The following MYO18B variants were observed in gnomAD, a reference collection of about 807,000 sequenced individuals.
MYO18B encodes unconventional myosin-XVIIIb.
Under a neutral mutation model 273.0 loss-of-function variants are expected in MYO18B, and 204 were observed. The ratio of observed to expected loss-of-function variants is 0.75; its 90% CI spans 0.67 to 0.84. The LOEUF (loss-of-function observed/expected upper bound fraction) is 0.84, where lower values mean the gene tolerates loss of function less well. Ranked by LOEUF, MYO18B falls within the 40% of genes least tolerant of loss-of-function variation. MYO18B has a pLI of 0.00. For missense variants in MYO18B, 3,212 were observed against 3,287.6 expected, an observed-to-expected ratio of 0.98 and a Z score of 0.56; for synonymous variants, 1,330 against 1,305.7, an observed-to-expected ratio of 1.02 and a Z score of -0.40.
chr22:25,988,567 C>T (rs146198851), intron 39 of MYO18B, among the ~76,000 whole-genome samples: 11 of 152,232 alleles, frequency 7.2e-5, no homozygotes, highest in African/African-American at 2.6e-4. Context: ...CTATGCAGCC[C>T]TTGTTTTTTT....
At chr22:25,940,801 G>A (rs528818230) in intron 34 of MYO18B, among the ~76,000 whole-genome samples, 1 of 152,302 alleles carries the variant, frequency 6.6e-6, no homozygotes, top group African/African-American at 2.4e-5. Flanking sequence ...AAGCTTAGCA[G>A]CACTTAATTT....
At chr22:25,933,447 C>T (rs1017838933) in intron 34 of MYO18B, among the ~76,000 whole-genome samples, 1 of 151,910 alleles carries the variant, frequency 6.6e-6, no homozygotes, top group African/African-American at 2.4e-5. Flanking sequence ...GAACCTGTCC[C>T]CTTCCACACA....
At chr22:26,016,900 G>C (rs895018518) in intron 42 of MYO18B, among the ~76,000 whole-genome samples, 3 of 152,204 alleles carry the variant, frequency 2.0e-5, no homozygotes, top group Non-Finnish European at 4.4e-5. Context: ...AACATTAAAG[G>C]GTGAGTGAAA....
the MYO18B span, among the ~76,000 whole-genome samples, chr22:26,050,876 G>T: frequency 1.3e-5 from 2 of 152,216 alleles, no homozygotes; most frequent in Admixed American, 6.5e-5. Flanking sequence ...GGTCCTATTT[G>T]TAGGATAAAA....
chr22:25,874,364 C>T lies in MYO18B; in HGVS notation c.4030C>T (p.Gln1344Ter), dbSNP rs1468532397. The change falls in exon 23 of 44, where the codon CAG becomes TAG. Residue 1344 changes from glutamine (Q) to a stop codon, truncating the protein, a stop_gained. Coordinates refer to ENST00000335473, the MANE Select transcript of MYO18B (RefSeq NM_032608.7). LOFTEE classifies it high-confidence loss of function. ...GGTATCTCAGAGCATCGTTCTCTTC[C>T]AGGCGGCTTGCAAGGGCTTTCTGTC... is the stretch of plus-strand genomic sequence containing the variant. Reference protein sequence around the residue: ...KLVSQSIVLFQAACKGFLSRQ... With the variant: ...KLVSQSIVLF 1.9e-6 allele frequency: 3 copies of T among 1,613,996 alleles called. No individual in the cohort carries two copies. In the Admixed American group the frequency reaches 5.0e-5, roughly 27 times the overall value.
intron 39 of MYO18B, among the ~76,000 whole-genome samples, chr22:25,965,766 T>A (rs1189591823): frequency 6.6e-6 from 1 of 152,236 alleles, no homozygotes; most frequent in East Asian, 1.9e-4. Context: ...CTTGTATCAT[T>A]TAATCTTTAA....
At chr22:25,765,475 G>A (rs1448918071) in intron 3 of MYO18B, among the ~76,000 whole-genome samples, 1 of 152,200 alleles carries the variant, frequency 6.6e-6, no homozygotes, top group African/African-American at 2.4e-5. Context: ...CCCAGTCAGT[G>A]AGGAACAGGG....
chr22:26,031,303 A>C (rs933646423), downstream of MYO18B, among the ~76,000 whole-genome samples: 1 of 152,096 alleles, frequency 6.6e-6, no homozygotes, highest in Non-Finnish European at 1.5e-5. Context: ...CATTTGGATC[A>C]CAGTTGTGTT....
intron 18 of MYO18B, among the ~76,000 whole-genome samples, chr22:25,844,208 T>A (rs1233950752): frequency 6.6e-6 from 1 of 152,172 alleles, no homozygotes; most frequent in African/African-American, 2.4e-5. Flanking sequence ...GAACAACTTT[T>A]ATGGACATTC....
intron 9 of MYO18B, 121 bp downstream of exon 9, chr22:25,780,319 G>A (rs1449001350): frequency 1.4e-5 from 18 of 1,244,436 alleles, no homozygotes; most frequent in South Asian, 3.0e-5. Context: ...TGGTCATGGC[G>A]GTGGCTCAGG....
chr22:25,890,320 G>A (rs1036485193), intron 25 of MYO18B, among the ~76,000 whole-genome samples: 21 of 152,228 alleles, frequency 1.4e-4, no homozygotes, highest in African/African-American at 4.8e-4. Context: ...GCATCCATCA[G>A]TGTGTCTTAC....
At chr22:25,984,796 T>A (rs2093183605) in intron 39 of MYO18B, among the ~76,000 whole-genome samples, 1 of 142,148 alleles carries the variant, frequency 7.0e-6, no homozygotes, top group Non-Finnish European at 1.5e-5. Context: ...GAGACCCCCA[T>A]CTCTAAGAAA....
chr22:25,770,195 A>G lies in MYO18B; in HGVS notation c.1579+19A>G. On this transcript the variant is annotated intron_variant, in intron 5 of 43. Transcript: ENST00000335473. ...ACTCTTGGTAAGTAGGGGTGTTAGC[A>G]CCTTTGGAGGGTCTGAGTCTTCTCC... The G allele has an allele frequency of 6.2e-7, 1 of 1,612,820 alleles. No individual in the cohort carries two copies. Among genetic ancestry groups the G allele is most frequent in the South Asian group, 1.1e-5 (1 of 91,050 alleles).
chr22:25,752,851 C>T (rs1234709827), intron 1 of MYO18B, among the ~76,000 whole-genome samples: 1 of 152,158 alleles, frequency 6.6e-6, no homozygotes. Flanking sequence ...AGGCGGGAAC[C>T]GGGGCCAGTG....
intron 34 of MYO18B, among the ~76,000 whole-genome samples, chr22:25,944,975 A>G (rs531716514): frequency 8.5e-5 from 13 of 152,124 alleles, no homozygotes; most frequent in Non-Finnish European, 1.8e-4. Flanking sequence ...GGCCACGTAC[A>G]TAAGTAATTG....
chr22:25,786,162 G>A (rs114386459), intron 11 of MYO18B, among the ~76,000 whole-genome samples: 1 of 152,196 alleles, frequency 6.6e-6, no homozygotes, highest in Non-Finnish European at 1.5e-5. Flanking sequence ...TGTGTTAGGT[G>A]TATGTTCCTG....
At chr22:26,010,170 G>T (rs6004887) in intron 42 of MYO18B, among the ~76,000 whole-genome samples, 6,606 of 151,964 alleles carry the variant, frequency 0.043, 162 homozygotes, top group African/African-American at 0.082. Context: ...TACTCTTTCT[G>T]CTTCTCTCCA....
chr22:25,865,675 C>G (rs1389485111), intron 21 of MYO18B, among the ~76,000 whole-genome samples: 1 of 152,172 alleles, frequency 6.6e-6, no homozygotes, highest in African/African-American at 2.4e-5. Context: ...CAAGGCCACA[C>G]AGTTTATGGA....
chr22:25,840,844 C>T (rs2090062216), intron 17 of MYO18B, among the ~76,000 whole-genome samples: 1 of 152,128 alleles, frequency 6.6e-6, no homozygotes, highest in Non-Finnish European at 1.5e-5. Context: ...TCCCAGATAT[C>T]CCTAGCAGTG....
Sources: gnomAD v4.1 joint callset for allele counts (sites outside exome capture counted in the v4.1 genomes callset) on GRCh38, gnomAD v4.1.1 for gene constraint, MANE v1.5 for transcripts, NCBI Gene and HGNC (gene_info 2026-07-23, HGNC 2026-07-21) for gene names.